Variants in FARS2 observed in about 807,000 individuals in gnomAD.
FARS2 encodes the protein phenylalanine--tRNA ligase, mitochondrial.
FARS2 carries 40 observed loss-of-function variants against 46.4 expected under a neutral mutation model. The observed-to-expected ratio is 0.86, with a 90% CI of 0.67 to 1.12. The LOEUF is 1.12. Among genes scored for constraint, FARS2 ranks in the 50% most tolerant of loss-of-function variants. The pLI is 0.00. For synonymous variants in FARS2, 234 were observed against 214.9 expected, an observed-to-expected ratio of 1.09 and a Z score of -0.78; for missense variants, 513 against 567.9, an observed-to-expected ratio of 0.90 and a Z score of 0.98.
rs1284191595 is a variant in FARS2, at chr6:5,343,183, G to A, written c.-21-25367G>A. On this transcript the variant is annotated intron_variant, in intron 1 of 6. Transcript: ENST00000274680. This position sits in a 1 kb window ranked among gnomAD's most constrained non-coding sequence, Gnocchi z 4.5. ...GCTGACAAAACTGTTGTTTATTACT[G>A]TAGACAAAACTGTACATTTCATTTA... 1.3e-5 allele frequency among the ~76,000 whole-genome samples: 2 copies of A among 152,094 alleles called. No individual in the cohort carries two copies. The highest frequency in any genetic ancestry group is 2.9e-5 in the Non-Finnish European group (2 of 68,006).
intron 5 of FARS2, among the ~76,000 whole-genome samples, chr6:5,599,996 T>C (rs749715376): frequency 1.3e-5 from 2 of 152,164 alleles, no homozygotes; most frequent in Non-Finnish European, 2.9e-5. Context: ...GCAAATGGGC[T>C]CTTACTCCCC....
intron 5 of FARS2, among the ~76,000 whole-genome samples, chr6:5,552,937 A>G (rs1007016848): frequency 6.6e-6 from 1 of 152,248 alleles, no homozygotes; most frequent in Non-Finnish European, 1.5e-5. Context: ...ATATTCAATA[A>G]TAAAACTTTA....
chr6:5,289,264 A>T (rs1767340454), intron 1 of FARS2, among the ~76,000 whole-genome samples: 1 of 152,248 alleles, frequency 6.6e-6, no homozygotes, highest in African/African-American at 2.4e-5. Flanking sequence ...ACTGGAAATA[A>T]TAGAATTGCT....
intron 2 of FARS2, among the ~76,000 whole-genome samples, chr6:5,379,266 A>G (rs114681730): frequency 2.0e-5 from 3 of 152,174 alleles, no homozygotes; most frequent in African/African-American, 7.2e-5. Context: ...GACAGCTAGC[A>G]CTGTTAACTG....
chr6:5,689,562 A>G (rs368460869), intron 6 of FARS2, among the ~76,000 whole-genome samples: 4 of 151,930 alleles, frequency 2.6e-5, no homozygotes, highest in East Asian at 1.9e-4. Flanking sequence ...TGGTCTGAGA[A>G]ACAGTTTGTT....
At chr6:5,395,288 G>C (rs752598519) in intron 2 of FARS2, among the ~76,000 whole-genome samples, 1 of 152,092 alleles carries the variant, frequency 6.6e-6, no homozygotes, top group Non-Finnish European at 1.5e-5. Context: ...TGACCTCAAG[G>C]AATCCACCTG....
intron 4 of FARS2, among the ~76,000 whole-genome samples, chr6:5,483,493 C>T (rs1766596712): frequency 6.6e-6 from 1 of 152,012 alleles, no homozygotes; most frequent in African/African-American, 2.4e-5. Context: ...CATGACAAAA[C>T]CCTGTCTTAC....
rs1325223265 is a variant in FARS2 at position 5,345,806 on chromosome 6, T to A, written c.-21-22744T>A. On this transcript the variant is annotated intron_variant, in intron 1 of 6. Transcript: ENST00000274680. Reference sequence around the variant, plus strand: ...TCCTGTTGGGTTATACAGTAGAATTTGAATTTCTAATAAATGTCAAAATCA... The same window carrying A: ...TCCTGTTGGGTTATACAGTAGAATTAGAATTTCTAATAAATGTCAAAATCA... Among the ~76,000 whole-genome samples, 4 of 152,232 alleles carry A rather than the reference T, an allele frequency of 2.6e-5. No homozygotes were observed. In the East Asian group the frequency reaches 7.7e-4, roughly 29 times the overall value.
chr6:5,328,441 C>T (rs1192526453), intron 1 of FARS2, among the ~76,000 whole-genome samples: 1 of 152,168 alleles, frequency 6.6e-6, no homozygotes, highest in Non-Finnish European at 1.5e-5. Context: ...ATAGGCTCCT[C>T]ATTAGCAGTG....
chr6:5,547,098 T>C (rs914199787), intron 5 of FARS2, among the ~76,000 whole-genome samples: 31 of 151,990 alleles, frequency 2.0e-4, no homozygotes, highest in African/African-American at 4.8e-4. Flanking sequence ...ATTACAGGCA[T>C]ACACTGCCAT....
intron 6 of FARS2, among the ~76,000 whole-genome samples, chr6:5,756,724 TG>T (rs1345387153): frequency 5.3e-5 from 8 of 152,228 alleles, no homozygotes; most frequent in Non-Finnish European, 8.8e-5. Context: ...TCTAGGTACA[TG>T]TAGCAGTAGA....
chr6:5,309,391 G>C (rs2024997), intron 1 of FARS2, among the ~76,000 whole-genome samples: 104,470 of 151,912 alleles, frequency 0.69, 36,698 homozygotes, highest in African/African-American at 0.82. Context: ...TCTTGTTAGT[G>C]TTGAACTTTT....
intron 6 of FARS2, among the ~76,000 whole-genome samples, chr6:5,644,148 A>G (rs1776959133): frequency 6.6e-6 from 1 of 152,132 alleles, no homozygotes; most frequent in African/African-American, 2.4e-5. Flanking sequence ...GCCATAGCGC[A>G]GCCATCCTTG....
At chr6:5,670,781 A>G (rs542575652) in intron 6 of FARS2, among the ~76,000 whole-genome samples, 1 of 152,300 alleles carries the variant, frequency 6.6e-6, no homozygotes, top group African/African-American at 2.4e-5. Context: ...ATGCAGTGTC[A>G]TCGCTCCAAA....
chr6:5,357,421 A>G (rs1025301588), intron 1 of FARS2, among the ~76,000 whole-genome samples: 3 of 152,200 alleles, frequency 2.0e-5, no homozygotes, highest in African/African-American at 7.2e-5. Context: ...CAAGTTGCTT[A>G]AGATCTGACA....
At chr6:5,491,321 C>A (rs1767094457) in intron 4 of FARS2, among the ~76,000 whole-genome samples, 1 of 152,088 alleles carries the variant, frequency 6.6e-6, no homozygotes, top group South Asian at 2.1e-4. Flanking sequence ...AAATTTGTTG[C>A]CCCCATCTCT....
chr6:5,345,038 C>A (rs1757141430), intron 1 of FARS2, among the ~76,000 whole-genome samples: 1 of 151,856 alleles, frequency 6.6e-6, no homozygotes, highest in South Asian at 2.1e-4. Context: ...GTGATCTGCC[C>A]ACATTGGCCT....
intron 6 of FARS2, among the ~76,000 whole-genome samples, chr6:5,679,727 T>C (rs2326635): frequency 0.93 from 141,356 of 152,120 alleles, 66,018 homozygotes; most frequent in East Asian, 1. Flanking sequence ...AATAGATTCA[T>C]ACCTGGAAGC....
At chr6:5,635,139 A>G (rs1197830087) in intron 6 of FARS2, among the ~76,000 whole-genome samples, 2 of 152,182 alleles carry the variant, frequency 1.3e-5, no homozygotes, top group Non-Finnish European at 2.9e-5. Context: ...TTAGAAGGTT[A>G]TTTTGCACTG....
Sources: allele counts gnomAD v4.1 joint callset (sites outside exome capture counted in the v4.1 genomes callset), GRCh38; gene constraint gnomAD v4.1.1; non-coding constraint Gnocchi (gnomAD v3.1); transcripts MANE v1.5; gene names NCBI Gene and HGNC (gene_info 2026-07-23, HGNC 2026-07-21).